Variants in LRP1 observed in about 807,000 individuals in gnomAD.
The protein encoded by LRP1 is prolow-density lipoprotein receptor-related protein 1.
A neutral mutation model predicts 541.5 loss-of-function variants in LRP1; 51 were observed. That is an observed-to-expected ratio of 0.09 (90% CI 0.08 to 0.12). The LOEUF (loss-of-function observed/expected upper bound fraction) is 0.12. Among genes scored for constraint, LRP1 ranks in the 10% least tolerant of loss-of-function variants. LRP1 has a pLI of 1.00. For missense variants in LRP1, 3,878 were observed against 6,376.2 expected (o/e 0.61, Z 13.34); for synonymous variants, 2,219 against 2,470.8 (o/e 0.90, Z 3.02).
At chr12:57,209,285 C>A (rs2036856017) in intron 79 of LRP1, 86 bp downstream of exon 79, 1 of 1,050,996 alleles carries the variant, frequency 9.5e-7, no homozygotes, top group Non-Finnish European at 1.4e-6. Flanking sequence ...CACTTCAATG[C>A]CTCCCATCCT....
chr12:57,154,418 G>T lies in LRP1; in HGVS notation c.1004+48G>T. ...TGGCCCTGGAAGGTGGGAGGCTGAG[G>T]CTACAGTGGTAAGGAGGGTGCCCAA... is the stretch of plus-strand genomic sequence containing the variant. On this transcript the variant is annotated intron_variant, in intron 7 of 88. Transcript: ENST00000243077. This position sits in a 1 kb window ranked among gnomAD's most constrained non-coding sequence, Gnocchi z 4.6. 2 of 1,604,252 alleles carry T rather than the reference G, an allele frequency of 1.2e-6. No individual in the cohort carries two copies. The highest frequency in any genetic ancestry group is 1.1e-5 in the South Asian group (1 of 90,498).
chr12:57,183,571 T>G lies in LRP1; in HGVS notation c.5794+61T>G. 1 of 1,567,548 alleles carries G rather than the reference T, an allele frequency of 6.4e-7. No homozygotes were observed. The highest frequency in any genetic ancestry group is 8.7e-7 in the Non-Finnish European group (1 of 1,153,958). On this transcript the variant is annotated intron_variant, in intron 35 of 88. Transcript: ENST00000243077. The surrounding 1 kb of genome is among the most constrained non-coding windows in gnomAD (Gnocchi z 6.1). The stretch of plus-strand genomic sequence containing the variant: ...CGTAGGAGCTTTAGGGGTGGTGTGG[T>G]GTGCCCTGAGGGTCCAGTGAGAGGC...
Position 57,158,538 on chromosome 12 carries a change from C to G in LRP1, c.1698C>G (p.Phe566Leu), listed in dbSNP as rs2035666885. 2 of 1,614,080 alleles carry G rather than the reference C, an allele frequency of 1.2e-6. No individual in the cohort carries two copies. The highest frequency in any genetic ancestry group is 1.7e-6 in the Non-Finnish European group (2 of 1,180,026). ...TCATGAACCCCCGAGCCCTGGACTT[C>G]CACGCTGAGACCGGCTTCATCTACT... Reference protein sequence around the residue: ...ENLMNPRALDFHAETGFIYFA... With the variant: ...ENLMNPRALDLHAETGFIYFA... Residue 566 changes from phenylalanine (F) to leucine (L), a missense_variant, in exon 11 of 89, where the codon TTC (phenylalanine) becomes TTG (leucine). Coordinates refer to ENST00000243077, the MANE Select transcript of LRP1 (RefSeq NM_002332.3). The surrounding 1 kb of genome is among the most constrained non-coding windows in gnomAD (Gnocchi z 5.3).
chr12:57,193,343 A>G (rs2036457087), intron 46 of LRP1, 39 bp downstream of exon 46: 3 of 1,603,204 alleles, frequency 1.9e-6, no homozygotes, highest in Non-Finnish European at 2.5e-6. Context: ...TTCCAGGCCC[A>G]GAGCCCAGGT....
rs375330136 is a variant in LRP1, at chr12:57,132,311, C to A, written c.67+3280C>A. ...TGTGGAGAGTTGTCCCTCTTGCTCC[C>A]CTAGGGGAGATGAAAGCCTCTCCCT... On this transcript the variant is annotated intron_variant, in intron 1 of 88. Transcript: ENST00000243077. Among the ~76,000 whole-genome samples the A allele has an allele frequency of 8.3e-4, 126 of 152,204 alleles. 1 individual carries two copies. Among genetic ancestry groups the A allele is most frequent in the African/African-American group, 3.0e-3 (123 of 41,508 alleles).
At chr12:57,199,762 C>T (rs970941246) in intron 61 of LRP1, 115 bp from the exon 62 acceptor site, 3 of 1,272,142 alleles carry the variant, frequency 2.4e-6, no homozygotes, top group African/African-American at 1.5e-5. Context: ...GCTTCAGCTC[C>T]CTCCTAAAAG....
In LRP1 at chr12:57,200,036, C is replaced by A. The variant is rs778237009; in HGVS notation, c.10014+11C>A. On this transcript the variant is annotated intron_variant, in intron 62 of 88. Transcript: ENST00000243077. ...TGCACGGCTAGCCAGGTGAGGCTGT[C>A]CCCCAGACCCCATCACCAGTGCCCG... 8.7e-5 allele frequency: 137 copies of A among 1,580,758 alleles called. 1 individual carries two copies. In the African/African-American group the frequency reaches 1.7e-3, roughly 20 times the overall value.
At chr12:57,188,220 G>A (rs1242685260) in intron 42 of LRP1, among the ~76,000 whole-genome samples, 2 of 152,222 alleles carry the variant, frequency 1.3e-5, no homozygotes, top group East Asian at 1.9e-4. Flanking sequence ...TCCCGCAGGG[G>A]CAGCCCTCAT....
chr12:57,167,483 A>G lies in LRP1; in HGVS notation c.2954A>G (p.Asn985Ser). The change falls in exon 19 of 89, where the codon AAC (asparagine) becomes AGC (serine). Residue 985 changes from asparagine (N) to serine (S), a missense_variant. By Grantham distance (46) the Asn-to-Ser change is conservative. Coordinates refer to ENST00000243077, the MANE Select transcript of LRP1 (RefSeq NM_002332.3). ...TTCCCCCTGACTCAGTTTACCTGCA[A>G]CAATGGCAGATGTATCAACATCAAC... ...TCFPLTQFTC[N>S]NGRCININWR... is the part of the protein sequence containing the mutation. 1.2e-6 allele frequency: 2 copies of G among 1,614,198 alleles called. No individual in the cohort carries two copies. Among genetic ancestry groups the G allele is most frequent in the Admixed American group, 1.7e-5 (1 of 60,024 alleles).
chr12:57,205,328 C>T lies in LRP1; in HGVS notation c.11336-23C>T, dbSNP rs373934870. ...TGGCCTGGGGTGGCTCAAGGGAGGG[C>T]ATCCACTCTCTGTCCCCCACAGACC... On this transcript the variant is annotated intron_variant, in intron 73 of 88. Transcript: ENST00000243077. This position sits in a 1 kb window ranked among gnomAD's most constrained non-coding sequence, Gnocchi z 4.6. 1 of 1,590,846 alleles carries T rather than the reference C, an allele frequency of 6.3e-7. No individual in the cohort carries two copies. Among genetic ancestry groups the T allele is most frequent in the Non-Finnish European group, 8.6e-7 (1 of 1,166,910 alleles).
At chr12:57,202,324 C>A (rs2036673591) in intron 67 of LRP1, 97 bp from the exon 68 acceptor site, 3 of 971,158 alleles carry the variant, frequency 3.1e-6, no homozygotes, top group Non-Finnish European at 1.7e-6. Context: ...AGCTGGGATG[C>A]CCACCCTCCC....
In LRP1 at chr12:57,185,259, G is replaced by A; in HGVS notation, c.6463+54G>A. 4 of 1,604,100 alleles carry A rather than the reference G, an allele frequency of 2.5e-6. No individual in the cohort carries two copies. The highest frequency in any genetic ancestry group is 3.4e-6 in the Non-Finnish European group (4 of 1,173,776). ...AGAGGTGAGGGGGACTCTGGCCTGG[G>A]AGAGTGCTCCCCAGGGAACCCAGTG... On this transcript the variant is annotated intron_variant, in intron 40 of 88. Transcript: ENST00000243077. This position sits in a 1 kb window ranked among gnomAD's most constrained non-coding sequence, Gnocchi z 4.9.
At position 57,208,233 on chromosome 12, in the gene LRP1, G is replaced by C. The variant is rs374232805; in HGVS notation, c.12038+17G>C. 39 of 1,609,704 alleles carry C rather than the reference G, an allele frequency of 2.4e-5. No individual in the cohort carries two copies. Among genetic ancestry groups the C allele is most frequent in the African/African-American group, 2.0e-4 (15 of 74,852 alleles). On this transcript the variant is annotated intron_variant, in intron 77 of 88. Transcript: ENST00000243077. ...ACTGAGGGGGTGGGCAAGGGCCCTG[G>C]GGGGAGGCCTCTGGGCTGGTGGTAG...
Position 57,173,333 on chromosome 12 carries a change from T to C in LRP1, c.3329T>C (p.Phe1110Ser), listed in dbSNP as rs1205962890. The stretch of plus-strand genomic sequence containing the variant: ...CACGTCTGCGATCCCAGTGTCAAGT[T>C]TGGCTGCAAGGACTCAGGTGAAGAG... ...VTHVCDPSVKFGCKDSARCIS... is the reference protein window; with the variant it reads ...VTHVCDPSVKSGCKDSARCIS... Residue 1110 changes from phenylalanine to serine, a missense_variant, in exon 21 of 89, where the codon TTT (phenylalanine) becomes TCT (serine). Around this residue, in one of 13 missense-constraint regions of LRP1, gnomAD observed 320 missense variants for 547.9 expected, o/e 0.58. Transcript: ENST00000243077. This position sits in a 1 kb window ranked among gnomAD's most constrained non-coding sequence, Gnocchi z 4.7. 1 of 1,613,364 alleles carries C rather than the reference T, an allele frequency of 6.2e-7. No individual in the cohort carries two copies. Among genetic ancestry groups the C allele is most frequent in the African/African-American group, 1.3e-5 (1 of 74,892 alleles).
chr12:57,194,088 T>A, intron 48 of LRP1, 76 bp downstream of exon 48: 1 of 1,318,156 alleles, frequency 7.6e-7, no homozygotes. Context: ...CAGGCCCTCC[T>A]GCACCTGCCC....
intron 10 of LRP1, among the ~76,000 whole-genome samples, chr12:57,157,431 T>C (rs2035643705): frequency 6.6e-6 from 1 of 152,118 alleles, no homozygotes; most frequent in Non-Finnish European, 1.5e-5. Flanking sequence ...GCCAACATGG[T>C]GAAACCCCGT....
intron 1 of LRP1, among the ~76,000 whole-genome samples, chr12:57,136,511 C>T (rs184504238): frequency 5.3e-5 from 8 of 152,038 alleles, no homozygotes; most frequent in Admixed American, 5.2e-4. Flanking sequence ...GTCATCTCAC[C>T]CTCCTTGGCA....
Position 57,178,320 on chromosome 12 carries a change from C to A in LRP1, c.4362-39C>A. ...TGGGCAGAGCTCTGAGGGCTGAGAT[C>A]CCAGCTGGCATCCTCATTCTGCTCC... On this transcript the variant is annotated intron_variant, in intron 26 of 88. Coordinates refer to ENST00000243077, the MANE Select transcript of LRP1 (RefSeq NM_002332.3). The surrounding 1 kb of genome is among the most constrained non-coding windows in gnomAD (Gnocchi z 5.8). 1 of 1,589,398 alleles carries A rather than the reference C, an allele frequency of 6.3e-7. No individual in the cohort carries two copies. The highest frequency in any genetic ancestry group is 8.6e-7 in the Non-Finnish European group (1 of 1,165,486).
Position 57,197,388 on chromosome 12 carries a change from C to G in LRP1, c.9162+4C>G, listed in dbSNP as rs748401838. ...CAACTACACGTTACTTAAGCAGGTACCAAACCCAGGCCCTCCTCCCCGCTG... is the reference window on the plus strand; with the variant it reads ...CAACTACACGTTACTTAAGCAGGTAGCAAACCCAGGCCCTCCTCCCCGCTG... On this transcript the variant is annotated splice_donor_region_variant and intron_variant, in intron 57 of 88. Transcript: ENST00000243077. This position sits in a 1 kb window ranked among gnomAD's most constrained non-coding sequence, Gnocchi z 4.5. 2 of 1,611,696 alleles carry G rather than the reference C, an allele frequency of 1.2e-6. No homozygotes were observed. Among genetic ancestry groups the G allele is most frequent in the Admixed American group, 3.3e-5 (2 of 59,882 alleles).
Sources: gnomAD v4.1 joint callset for allele counts (sites outside exome capture counted in the v4.1 genomes callset) on GRCh38, gnomAD v4.1.1 for gene constraint, gnomAD v4.1.1 regional missense constraint, Gnocchi (gnomAD v3.1) non-coding constraint, MANE v1.5 for transcripts, NCBI Gene and HGNC (gene_info 2026-07-23, HGNC 2026-07-21) for gene names.